The following KATNB1 variants were observed in gnomAD, a reference collection of about 807,000 sequenced individuals.
The protein encoded by KATNB1 is katanin regulatory subunit B1.
KATNB1 carries 38 observed loss-of-function variants against 82.3 expected under a neutral mutation model. The observed-to-expected ratio is 0.46, with a 90% CI of 0.36 to 0.61. KATNB1 has a LOEUF of 0.61. Among genes scored for constraint, KATNB1 ranks in the 20% least tolerant of loss-of-function variants. The pLI is 0.00. For missense variants in KATNB1, 749 were observed against 915.7 expected (o/e 0.82, Z 2.35); for synonymous variants, 361 against 368.7 (o/e 0.98, Z 0.24).
At chr16:57,744,911 C>T (rs554933554) in intron 4 of KATNB1, among the ~76,000 whole-genome samples, 81 of 152,310 alleles carry the variant, frequency 5.3e-4, no homozygotes, top group African/African-American at 1.9e-3. Context: ...TGTACCCTGA[C>T]TCCAGGTGGT....
chr16:57,741,497 G>A (rs562547662), intron 2 of KATNB1, among the ~76,000 whole-genome samples, 190 bp from the exon 3 acceptor site: 5 of 152,318 alleles, frequency 3.3e-5, no homozygotes, highest in South Asian at 2.1e-4. Context: ...AGTGATTTCC[G>A]TCTCAGGCCC....
At chr16:57,754,106 G>T in intron 13 of KATNB1, 111 bp downstream of exon 13, 1 of 903,200 alleles carries the variant, frequency 1.1e-6, no homozygotes, top group Non-Finnish European at 1.8e-6. Flanking sequence ...CCCCTCTCAG[G>T]ACACGACCCA....
Position 57,757,008 on chromosome 16 carries a change from T to C in KATNB1, c.*62T>C, listed in dbSNP as rs6994. On this transcript the variant is annotated 3_prime_UTR_variant, in exon 20 of 20. Transcript: ENST00000379661. The stretch of plus-strand genomic sequence containing the variant: ...GGCCTGGCCTCAGCCCCCACTCCTG[T>C]TCCTTGTGCACCCACTGGCCCATGA... The C allele has an allele frequency of 0.18, 257,975 of 1,429,586 alleles. 24,207 individuals are homozygous for C. Among genetic ancestry groups the C allele is most frequent in the African/African-American group, 0.29 (20,484 of 69,488 alleles). 88.6% of individuals were successfully genotyped at this position (1,429,586 alleles called of 1,614,324 possible).
chr16:57,740,029 C>T (rs76509069), intron 2 of KATNB1, among the ~76,000 whole-genome samples: 10,539 of 152,166 alleles, frequency 0.069, 1,230 homozygotes, highest in African/African-American at 0.24. Flanking sequence ...GGCTCGGGCA[C>T]GGAATGCCAG....
At chr16:57,755,088 G>A in intron 14 of KATNB1, 31 bp from the exon 15 acceptor site, 1 of 1,613,108 alleles carries the variant, frequency 6.2e-7, no homozygotes, top group Non-Finnish European at 8.5e-7. Context: ...GGAGGCCCCA[G>A]GCCGGCAACC....
chr16:57,752,693 T>C, intron 9 of KATNB1, 85 bp from the exon 10 acceptor site: 3 of 1,558,350 alleles, frequency 1.9e-6, no homozygotes, highest in Non-Finnish European at 2.6e-6. Flanking sequence ...TGCTGCGCCC[T>C]CCCTGCCCTG....
intron 13 of KATNB1, 53 bp downstream of exon 13, chr16:57,754,048 ATCT>A (rs2148795820): frequency 6.8e-7 from 1 of 1,468,516 alleles, no homozygotes; most frequent in East Asian, 2.3e-5. Flanking sequence ...CCCGTCCCTC[ATCT>A]TCTCTTCCTG....
In KATNB1 at chr16:57,755,446, C is replaced by A. The variant is rs782666249; in HGVS notation, c.1518C>A (p.His506Gln). 2 of 1,613,488 alleles carry A rather than the reference C, an allele frequency of 1.2e-6. No individual in the cohort carries two copies. Among genetic ancestry groups the A allele is most frequent in the South Asian group, 2.2e-5 (2 of 91,090 alleles). Residue 506 changes from histidine (H) to glutamine (Q), a missense_variant, in exon 16 of 20, where the codon CAC becomes CAA. Around this residue, in one of 3 missense-constraint regions of KATNB1, gnomAD observed 407 missense variants for 434.7 expected, o/e 0.94. Transcript: ENST00000379661. ...DTMCVVLTSR[H>Q]KNLDTVRAVW... is the part of the protein sequence containing the mutation. ...TGTGTGTGGTGCTCACCAGCCGCCA[C>A]AAGAACCTGGACACTGTGCGGGCTG...
rs533141070 is a variant in KATNB1 at position 57,752,646 on chromosome 16, TG to T, written c.704+49del. The T allele has an allele frequency of 5.0e-4, 777 of 1,547,296 alleles. 6 individuals are homozygous for T. In the African/African-American group the frequency reaches 9.6e-3, roughly 19 times the overall value. ...GGCGGCCCAGCGCTCCTCCCGGCAG[TG>T]GGGCGTGGCTGTGGGTGGGCCTTTC... On this transcript the variant is annotated intron_variant, in intron 9 of 19. Transcript: ENST00000379661.
At position 57,753,158 on chromosome 16, in the gene KATNB1, C is replaced by T. The variant is rs782726527; in HGVS notation, c.937C>T (p.Arg313Trp). 23 of 1,610,908 alleles carry T rather than the reference C, an allele frequency of 1.4e-5. No homozygotes were observed. The highest frequency in any genetic ancestry group is 7.7e-5 in the South Asian group (7 of 91,076). The change falls in exon 11 of 20, where the codon CGG (arginine) becomes TGG (tryptophan). Residue 313 changes from arginine to tryptophan, a missense_variant. This residue lies in a region of KATNB1 where 407 missense variants were observed against 434.7 expected (regional missense o/e 0.94). Coordinates refer to ENST00000379661, the MANE Select transcript of KATNB1 (RefSeq NM_005886.3). ...TRVTRTGTVA[R>W]DPVQDHRPLA... ...TGTCACCAGGACTGGCACGGTGGCC[C>T]GGGACCCTGTGCAGGACCACCGGCC...
At position 57,753,444 on chromosome 16, in the gene KATNB1, G is replaced by A; in HGVS notation, c.1102G>A (p.Asp368Asn). 1.2e-6 allele frequency: 2 copies of A among 1,613,094 alleles called. No homozygotes were observed. The highest frequency in any genetic ancestry group is 8.5e-7 in the Non-Finnish European group (1 of 1,179,902). The change falls in exon 12 of 20, where the codon GAC (aspartate) becomes AAC (asparagine). Residue 368 changes from aspartate (D) to asparagine (N), a missense_variant. Physicochemically the swap from Asp to Asn is conservative, Grantham distance 23. Coordinates refer to ENST00000379661, the MANE Select transcript of KATNB1 (RefSeq NM_005886.3). The stretch of plus-strand genomic sequence containing the variant: ...CAGCCCCAGCAGCGAGGATGACCGG[G>A]ACGAGCGCGAGTCCCGCGCGGAGAT... ...RRSPSSEDDR[D>N]ERESRAEIQN...
Position 57,755,837 on chromosome 16 carries a change from A to G in KATNB1, c.1567-4A>G. On this transcript the variant is annotated splice_region_variant and splice_polypyrimidine_tract_variant and intron_variant, in intron 16 of 19. Transcript: ENST00000379661. ...CCACCCCTGACGGTGCTCTGTTTGCACAGACGTCGGTGGACTCCGCTGTGG... is the reference window on the plus strand; with the variant it reads ...CCACCCCTGACGGTGCTCTGTTTGCGCAGACGTCGGTGGACTCCGCTGTGG... The G allele has an allele frequency of 6.3e-7, 1 of 1,581,750 alleles. No homozygotes were observed. The highest frequency in any genetic ancestry group is 1.1e-5 in the South Asian group (1 of 88,130).
chr16:57,747,041 C>A (rs536072744), intron 4 of KATNB1, among the ~76,000 whole-genome samples: 1 of 150,176 alleles, frequency 6.7e-6, no homozygotes, highest in Admixed American at 6.8e-5. Flanking sequence ...ACCACCATGT[C>A]CCGCTAATTT....
chr16:57,740,397 C>T (rs2049133197), intron 2 of KATNB1, among the ~76,000 whole-genome samples: 1 of 152,218 alleles, frequency 6.6e-6, no homozygotes, highest in African/African-American at 2.4e-5. Context: ...CTTCCCTGGG[C>T]CCAGTTTCCC....
intron 18 of KATNB1, 42 bp downstream of exon 18, chr16:57,756,108 G>T: frequency 6.3e-7 from 1 of 1,589,398 alleles, no homozygotes; most frequent in South Asian, 1.1e-5. Flanking sequence ...CAGGGGGAGG[G>T]GAGAGGTAAG....
In KATNB1 at chr16:57,736,972, T is replaced by A. The variant is rs1295744964; in HGVS notation, c.-266-6T>A. The A allele has an allele frequency of 1.5e-6, 1 of 684,226 alleles. No homozygotes were observed. The highest frequency in any genetic ancestry group is 2.7e-6 in the Non-Finnish European group (1 of 373,400). The allele number at this position is 684,226 out of a possible 1,614,324, so 42.4% of individuals were successfully genotyped here. On this transcript the variant is annotated splice_region_variant and splice_polypyrimidine_tract_variant and intron_variant, in intron 1 of 19. Coordinates refer to ENST00000379661, the MANE Select transcript of KATNB1 (RefSeq NM_005886.3). ...AACATGACGTCACCTCTTGTTTGTA[T>A]TGCAGCCCTGTATTGAGCTGAGATG...
chr16:57,755,667 GT>G (rs2049270438), intron 16 of KATNB1, 173 bp downstream of exon 16: 11 of 1,016,790 alleles, frequency 1.1e-5, no homozygotes, highest in Non-Finnish European at 1.4e-5. Flanking sequence ...ACAGACTGCC[GT>G]TTAGTGAGCA....
In KATNB1 at chr16:57,744,396, C is replaced by G; in HGVS notation, c.174C>G (p.Ser58Arg). The change falls in exon 4 of 20, where the codon AGC (serine) becomes AGG (arginine). Residue 58 changes from serine (S) to arginine (R), a missense_variant and splice_region_variant. Around this residue, in one of 3 missense-constraint regions of KATNB1, gnomAD observed 247 missense variants for 349.4 expected, o/e 0.71. Coordinates refer to ENST00000379661, the MANE Select transcript of KATNB1 (RefSeq NM_005886.3). ...WSINKPNCIM[S>R]LTGHTSPVES... Reference sequence around the variant, plus strand: ...AAGCTGCTGCTCTCTCTCCACAGAGCCTGACGGGCCACACATCCCCAGTGG... The same window carrying G: ...AAGCTGCTGCTCTCTCTCCACAGAGGCTGACGGGCCACACATCCCCAGTGG... The G allele has an allele frequency of 1.2e-6, 2 of 1,612,496 alleles. No individual in the cohort carries two copies. Among genetic ancestry groups the G allele is most frequent in the Non-Finnish European group, 1.7e-6 (2 of 1,179,466 alleles).
In KATNB1 at chr16:57,737,986, C is replaced by T. The variant is rs146563047; in HGVS notation, c.40+703C>T. On this transcript the variant is annotated intron_variant, in intron 2 of 19. Transcript: ENST00000379661. The stretch of plus-strand genomic sequence containing the variant: ...TCTAGTGATGTTCTGGGAAACTCCA[C>T]CATATGCTTGAGAGCAAATGAGAGT... 7.1e-4 allele frequency among the ~76,000 whole-genome samples: 108 copies of T among 152,306 alleles called. 2 individuals are homozygous for T. In the East Asian group the frequency reaches 0.019, roughly 27 times the overall value.
Sources: gnomAD v4.1 joint callset for allele counts (sites outside exome capture counted in the v4.1 genomes callset) on GRCh38, gnomAD v4.1.1 for gene constraint, gnomAD v4.1.1 regional missense constraint, MANE v1.5 for transcripts, NCBI Gene and HGNC (gene_info 2026-07-23, HGNC 2026-07-21) for gene names.